The following PARD3B variants were observed in gnomAD, a reference collection of about 807,000 sequenced individuals.
PARD3B encodes par-3 family cell polarity regulator beta, also known as partitioning defective 3 homolog B.
In PARD3B, 103 loss-of-function variants were observed where a neutral mutation model predicts 130.2. The observed-to-expected ratio is 0.79, with a 90% CI of 0.67 to 0.93. PARD3B has a LOEUF of 0.93. Among genes scored for constraint, PARD3B ranks in the 40% least tolerant of loss-of-function variants. The pLI, the probability that PARD3B is intolerant of heterozygous loss-of-function variation, is 0.00. For missense variants in PARD3B, 1,609 were observed against 1,499.2 expected, an observed-to-expected ratio of 1.07 and a Z score of -1.21; for synonymous variants, 583 against 553.2, an observed-to-expected ratio of 1.05 and a Z score of -0.76.
In PARD3B at chr2:205,094,637, G is replaced by A. The variant is rs186497317; in HGVS notation, c.505-9789G>A. Among the ~76,000 whole-genome samples the A allele has an allele frequency of 2.6e-5, 4 of 152,226 alleles. No homozygotes were observed. The East Asian group carries it at 7.7e-4, about 29-fold the overall frequency. ...GTCTGTGGATTAAAAATTTTCTGCAGCACATTTTCATCCTGAAGATTTTCG... is the reference window on the plus strand; with the variant it reads ...GTCTGTGGATTAAAAATTTTCTGCAACACATTTTCATCCTGAAGATTTTCG... On this transcript the variant is annotated intron_variant, in intron 4 of 22. Coordinates refer to ENST00000406610, the MANE Select transcript of PARD3B (RefSeq NM_001302769.2).
intron 2 of PARD3B, among the ~76,000 whole-genome samples, chr2:204,860,132 A>C (rs2045121403): frequency 6.6e-6 from 1 of 152,214 alleles, no homozygotes; most frequent in African/African-American, 2.4e-5. Flanking sequence ...CATTATAAAA[A>C]CAAAAAGGAA....
At chr2:205,271,949 G>A (rs2040744604) in intron 16 of PARD3B, among the ~76,000 whole-genome samples, 1 of 152,138 alleles carries the variant, frequency 6.6e-6, no homozygotes, top group Non-Finnish European at 1.5e-5. Context: ...CTTGAGGTCA[G>A]GAATTTGAGA....
chr2:204,871,490 TG>T (rs929151849), intron 2 of PARD3B, among the ~76,000 whole-genome samples: 5 of 151,626 alleles, frequency 3.3e-5, no homozygotes, highest in South Asian at 4.1e-4. Context: ...ACATTTTCAA[TG>T]GGGGGAAAAA....
intron 19 of PARD3B, among the ~76,000 whole-genome samples, chr2:205,436,273 A>G (rs1436243373): frequency 6.6e-6 from 1 of 152,214 alleles, no homozygotes; most frequent in Non-Finnish European, 1.5e-5. Flanking sequence ...GGGAGACATT[A>G]CCGCCGTAGC....
At chr2:204,827,701 G>A (rs1400152687) in intron 2 of PARD3B, among the ~76,000 whole-genome samples, 1 of 152,156 alleles carries the variant, frequency 6.6e-6, no homozygotes, top group Non-Finnish European at 1.5e-5. Context: ...TAAATTCCAA[G>A]CACTTCAAAA....
At chr2:205,120,161 T>C (rs1302889193) in intron 7 of PARD3B, among the ~76,000 whole-genome samples, 1 of 152,200 alleles carries the variant, frequency 6.6e-6, no homozygotes, top group Non-Finnish European at 1.5e-5. Flanking sequence ...AAATAATGAA[T>C]GATAGACAAA....
chr2:204,785,158 G>T (rs1022664463), intron 2 of PARD3B, among the ~76,000 whole-genome samples: 4 of 152,102 alleles, frequency 2.6e-5, no homozygotes, highest in Non-Finnish European at 5.9e-5. Context: ...CATATGAAAA[G>T]AAATTATTTT....
intron 19 of PARD3B, among the ~76,000 whole-genome samples, chr2:205,414,854 T>C (rs1361930427): frequency 6.6e-6 from 1 of 152,110 alleles, no homozygotes; most frequent in Non-Finnish European, 1.5e-5. Flanking sequence ...CACTTAAAGA[T>C]ATTTTCAGAT....
intron 20 of PARD3B, among the ~76,000 whole-genome samples, chr2:205,493,728 T>G (rs1180814713): frequency 1.9e-3 from 66 of 34,076 alleles, no homozygotes; most frequent in African/African-American, 5.2e-3. Flanking sequence ...ATGTATGTAT[T>G]TATTTATTTA....
At chr2:205,553,263 G>A in intron 21 of PARD3B, 61 bp from the exon 22 acceptor site, 1 of 1,475,198 alleles carries the variant, frequency 6.8e-7, no homozygotes, top group South Asian at 1.2e-5. Flanking sequence ...ATTTCGAGAT[G>A]CATTGTCAGT....
In PARD3B at chr2:205,021,470, C is replaced by A. The variant is rs902545744; in HGVS notation, c.395-26111C>A. Among the ~76,000 whole-genome samples the A allele has an allele frequency of 6.6e-6, 1 of 152,004 alleles. No homozygotes were observed. Among genetic ancestry groups the A allele is most frequent in the Admixed American group, 6.6e-5 (1 of 15,252 alleles). On this transcript the variant is annotated intron_variant, in intron 3 of 22. Transcript: ENST00000406610. The surrounding 1 kb of genome is among the most constrained non-coding windows in gnomAD (Gnocchi z 4.5). Reference sequence around the variant, plus strand: ...GACTTCCCAACGGCTGCTCACACAGCCTCTGGAAGTGGTAACTTTGGAAGG... The same window carrying A: ...GACTTCCCAACGGCTGCTCACACAGACTCTGGAAGTGGTAACTTTGGAAGG...
At chr2:205,497,382 C>G (rs1329006593) in intron 20 of PARD3B, among the ~76,000 whole-genome samples, 1 of 149,010 alleles carries the variant, frequency 6.7e-6, no homozygotes, top group East Asian at 2.0e-4. Flanking sequence ...AACTTACCAT[C>G]TAGTTTGAGA....
chr2:205,054,436 AT>A lies in PARD3B; in HGVS notation c.504+6767del, dbSNP rs769918623. On this transcript the variant is annotated intron_variant, in intron 4 of 22. Coordinates refer to ENST00000406610, the MANE Select transcript of PARD3B (RefSeq NM_001302769.2). Reference sequence around the variant, plus strand: ...TATATATATATATATATATATATATATTTTTTTTTTTTTTTTTTTTTAATTA... The same window carrying A: ...TATATATATATATATATATATATATATTTTTTTTTTTTTTTTTTTTAATTA... 7.0e-3 allele frequency among the ~76,000 whole-genome samples: 198 copies of A among 28,370 alleles called. 1 individual carries two copies. The highest frequency in any genetic ancestry group is 8.3e-3 in the Non-Finnish European group (146 of 17,598). 18.6% of individuals were successfully genotyped at this position (28,370 alleles called of 152,430 possible).
chr2:204,694,067 G>A (rs2037478684), intron 2 of PARD3B, among the ~76,000 whole-genome samples: 1 of 151,998 alleles, frequency 6.6e-6, no homozygotes, highest in Non-Finnish European at 1.5e-5. Context: ...AGTGATAAAT[G>A]ATATCGTTCA....
At chr2:204,988,090 C>G (rs1693332272) in intron 3 of PARD3B, among the ~76,000 whole-genome samples, 1 of 151,858 alleles carries the variant, frequency 6.6e-6, no homozygotes, top group Admixed American at 6.6e-5. Flanking sequence ...GAAGGGGGTC[C>G]TTGGAGAAGT....
At chr2:205,451,482 T>G (rs953307630) in intron 20 of PARD3B, among the ~76,000 whole-genome samples, 16 of 152,152 alleles carry the variant, frequency 1.1e-4, no homozygotes, top group Non-Finnish European at 1.6e-4. Context: ...TTTAGATGTC[T>G]TTTCTCTTTT....
intron 2 of PARD3B, among the ~76,000 whole-genome samples, chr2:204,853,718 C>T (rs2044804003): frequency 1.3e-5 from 2 of 152,200 alleles, no homozygotes; most frequent in Non-Finnish European, 2.9e-5. Flanking sequence ...ACTTTGTATG[C>T]ATTTAGCATG....
At chr2:204,584,460 A>G (rs1188098391) in intron 1 of PARD3B, among the ~76,000 whole-genome samples, 2 of 152,198 alleles carry the variant, frequency 1.3e-5, no homozygotes, top group Non-Finnish European at 1.5e-5. Flanking sequence ...CATTTCTGAA[A>G]AATGCATCCT....
At chr2:205,140,505 T>TTC (rs1345658106) in intron 10 of PARD3B, among the ~76,000 whole-genome samples, 4 of 124,726 alleles carry the variant, frequency 3.2e-5, no homozygotes, top group African/African-American at 1.2e-4. Flanking sequence ...TTTTTTTTTT[T>TTC]AAAGTTTCCA....
Sources: gnomAD v4.1 joint callset for allele counts (sites outside exome capture counted in the v4.1 genomes callset) on GRCh38, gnomAD v4.1.1 for gene constraint, Gnocchi (gnomAD v3.1) non-coding constraint, MANE v1.5 for transcripts, NCBI Gene and HGNC (gene_info 2026-07-23, HGNC 2026-07-21) for gene names.